Variants in RORA observed in about 807,000 individuals in gnomAD.
RORA encodes RAR related orphan receptor A, also known as nuclear receptor ROR-alpha.
A neutral mutation model predicts 69.5 loss-of-function variants in RORA; 7 were observed. That is an observed-to-expected ratio of 0.10 (90% confidence interval 0.06 to 0.19). The LOEUF (loss-of-function observed/expected upper bound fraction) is 0.19, where lower values mean the gene tolerates loss of function less well. RORA is among the 10% of genes least tolerant of loss of function. The pLI is 1.00. For missense variants in RORA, 457 were observed against 663.0 expected, an observed-to-expected ratio of 0.69 and a Z score of 3.41; for synonymous variants, 261 against 240.8, an observed-to-expected ratio of 1.08 and a Z score of -0.78.
intron 1 of RORA, among the ~76,000 whole-genome samples, chr15:60,832,763 G>A (rs924022102): frequency 1.3e-5 from 2 of 152,248 alleles, no homozygotes; most frequent in Admixed American, 6.5e-5. Flanking sequence ...TTTTGTTGAG[G>A]AAAAAATGTT....
chr15:60,595,283 C>T (rs557794543), intron 2 of RORA, among the ~76,000 whole-genome samples: 4 of 152,082 alleles, frequency 2.6e-5, no homozygotes, highest in East Asian at 1.9e-4. Context: ...GAGGTCAAGG[C>T]GGGTGGATCA....
At chr15:60,775,131 G>A (rs1289924332) in intron 1 of RORA, among the ~76,000 whole-genome samples, 4 of 151,880 alleles carry the variant, frequency 2.6e-5, no homozygotes, top group Admixed American at 6.6e-5. Flanking sequence ...CTTAAGTTCC[G>A]TAAACTTGTG....
At chr15:60,724,055 C>T (rs1010446110) in intron 1 of RORA, among the ~76,000 whole-genome samples, 2 of 152,216 alleles carry the variant, frequency 1.3e-5, no homozygotes, top group African/African-American at 4.8e-5. Flanking sequence ...GACTTTACCT[C>T]TGGCTTCATG....
In RORA at chr15:60,531,994, G is replaced by A; in HGVS notation, c.197-143C>T. The A allele has an allele frequency of 1.8e-6, 1 of 545,482 alleles. No individual in the cohort carries two copies. The highest frequency in any genetic ancestry group is 3.2e-6 in the Non-Finnish European group (1 of 312,980). The allele number at this position is 545,482 out of a possible 1,614,324, so 33.8% of individuals were successfully genotyped here. A position where few individuals can be genotyped will look rare whatever the true frequency, so the allele number is the denominator to read the frequency against. ...TAACTATTCATTGCTGAACTGTGAG[G>A]GTCCCCCTAGAGCCCTGGACTAAAT... On this transcript the variant is annotated intron_variant, in intron 2 of 10. Transcript: ENST00000335670. This position sits in a 1 kb window ranked among gnomAD's most constrained non-coding sequence, Gnocchi z 4.8.
intron 1 of RORA, among the ~76,000 whole-genome samples, chr15:61,007,898 T>G (rs987657544): frequency 1.3e-5 from 2 of 149,828 alleles, no homozygotes; most frequent in African/African-American, 4.9e-5. Context: ...ATAATAGAAA[T>G]TATCCTAATA....
chr15:60,489,429 T>C lies in RORA; in HGVS notation c.*8026A>G, dbSNP rs1476620199. 3 of 152,244 alleles carry C rather than the reference T, an allele frequency of 2.0e-5. No individual in the cohort carries two copies. Among genetic ancestry groups the C allele is most frequent in the African/African-American group, 7.2e-5 (3 of 41,466 alleles). 9.4% of individuals were successfully genotyped at this position (152,244 alleles called of 1,614,324 possible). On this transcript the variant is annotated 3_prime_UTR_variant, in exon 11 of 11. Transcript: ENST00000335670. ...TTATAAATTGCTCAAAAATCTTTGC[T>C]AAAGATCTTACAAATTCAGTAATAT...
chr15:60,507,765 AAG>A (rs2065558403), intron 5 of RORA, among the ~76,000 whole-genome samples: 1 of 152,168 alleles, frequency 6.6e-6, no homozygotes, highest in Non-Finnish European at 1.5e-5. Flanking sequence ...GATGAAGATG[AAG>A]AGTCTTCGCA....
chr15:60,972,208 T>G (rs2140352578), intron 1 of RORA, among the ~76,000 whole-genome samples: 1 of 152,318 alleles, frequency 6.6e-6, no homozygotes, highest in Non-Finnish European at 1.5e-5. Context: ...AGATTGGATT[T>G]GCATATTGGA....
At chr15:60,911,368 CG>C in intron 1 of RORA, among the ~76,000 whole-genome samples, 1 of 152,210 alleles carries the variant, frequency 6.6e-6, no homozygotes, top group Non-Finnish European at 1.5e-5. Flanking sequence ...GCCATTTCCA[CG>C]GCCATGTTTG....
intron 1 of RORA, among the ~76,000 whole-genome samples, chr15:60,824,967 C>T (rs2072937875): frequency 6.6e-6 from 1 of 152,128 alleles, no homozygotes; most frequent in Admixed American, 6.5e-5. Flanking sequence ...AAAGACAGTC[C>T]AAATGGGCTA....
At chr15:61,007,888 A>G (rs1217224254) in intron 1 of RORA, among the ~76,000 whole-genome samples, 6 of 149,646 alleles carry the variant, frequency 4.0e-5, no homozygotes, top group African/African-American at 1.5e-4. Context: ...TAAAATTAGG[A>G]TAATAGAAAT....
intron 2 of RORA, among the ~76,000 whole-genome samples, chr15:60,605,451 A>C (rs1038022464): frequency 2.0e-5 from 3 of 152,196 alleles, no homozygotes; most frequent in Non-Finnish European, 2.9e-5. Flanking sequence ...AATTATGTCA[A>C]TCTTCCCGCA....
At chr15:60,916,695 C>CTCAGGCA (rs536055778) in intron 1 of RORA, among the ~76,000 whole-genome samples, 4 of 152,256 alleles carry the variant, frequency 2.6e-5, no homozygotes, top group South Asian at 4.2e-4. Context: ...GAGTATGACA[C>CTCAGGCA]TCAGGCATCA....
At chr15:61,152,344 A>G (rs937815840) in intron 1 of RORA, among the ~76,000 whole-genome samples, 79 of 152,160 alleles carry the variant, frequency 5.2e-4, no homozygotes, top group African/African-American at 1.9e-3. Context: ...GGAATATGAA[A>G]AAACATGCCC....
chr15:60,798,328 T>C (rs1407571416), intron 1 of RORA, among the ~76,000 whole-genome samples: 2 of 152,114 alleles, frequency 1.3e-5, no homozygotes, highest in South Asian at 2.1e-4. Context: ...ATATACTTCA[T>C]AATTTATTTA....
At position 60,795,265 on chromosome 15, in the gene RORA, A is replaced by T. The variant is rs148298528; in HGVS notation, c.167-116579T>A. Among the ~76,000 whole-genome samples, 739 of 152,324 alleles carry T rather than the reference A, an allele frequency of 4.9e-3. 9 individuals carry two copies. The highest frequency in any genetic ancestry group is 0.017 in the African/African-American group (706 of 41,572). ...CCGAAGTCAATGTTTCAAATGGGCT[A>T]TTCACCTTCTGTAGGCTGGCAGGAG... On this transcript the variant is annotated intron_variant, in intron 1 of 10. Transcript: ENST00000335670.
Position 60,516,112 on chromosome 15 carries a change from A to AT in RORA, c.283-1356dup, listed in dbSNP as rs1386540363. Reference sequence around the variant, plus strand: ...ATATTTATATATATTTATATATTATATTATATATATTATATTAAATATATT... The same window carrying AT: ...ATATTTATATATATTTATATATTATATTTATATATATTATATTAAATATATT... On this transcript the variant is annotated intron_variant, in intron 3 of 10. Transcript: ENST00000335670. 1.4e-4 allele frequency among the ~76,000 whole-genome samples: 7 copies of AT among 51,218 alleles called. 1 individual carries two copies. The highest frequency in any genetic ancestry group is 2.6e-4 in the Non-Finnish European group (7 of 26,758). The allele number at this position is 51,218 out of a possible 152,430, so 33.6% of individuals were successfully genotyped here.
intron 1 of RORA, among the ~76,000 whole-genome samples, chr15:60,858,564 T>A (rs2073404243): frequency 1.4e-5 from 2 of 146,344 alleles, no homozygotes; most frequent in African/African-American, 5.1e-5. Context: ...CATTTCTGGG[T>A]GGGAGGGACA....
At chr15:60,734,162 A>C (rs1287828094) in intron 1 of RORA, among the ~76,000 whole-genome samples, 1 of 152,108 alleles carries the variant, frequency 6.6e-6, no homozygotes. Context: ...GCTGCTGTTC[A>C]TTCAATGTGA....
Sources: allele counts gnomAD v4.1 joint callset (sites outside exome capture counted in the v4.1 genomes callset), GRCh38; gene constraint gnomAD v4.1.1; non-coding constraint Gnocchi (gnomAD v3.1); transcripts MANE v1.5; gene names NCBI Gene and HGNC (gene_info 2026-07-23, HGNC 2026-07-21).